The following AGBL1 variants were observed in gnomAD, a reference collection of about 807,000 sequenced individuals.
AGBL1 encodes the protein cytosolic carboxypeptidase 4.
In AGBL1, 130 loss-of-function variants were observed where a neutral mutation model predicts 118.9. That is an observed-to-expected ratio of 1.09 (90% confidence interval 0.95 to 1.26). The LOEUF (loss-of-function observed/expected upper bound fraction) is 1.26. Among genes scored for constraint, AGBL1 ranks in the 50% most tolerant of loss-of-function variants. The pLI is 0.00. For missense variants in AGBL1, 1,584 were observed against 1,298.1 expected, an observed-to-expected ratio of 1.22 and a Z score of -3.38; for synonymous variants, 555 against 478.9, an observed-to-expected ratio of 1.16 and a Z score of -2.08.
intron 22 of AGBL1, among the ~76,000 whole-genome samples, chr15:86,774,146 C>A (rs370634338): frequency 2.0e-5 from 3 of 152,058 alleles, no homozygotes; most frequent in African/African-American, 7.2e-5. Flanking sequence ...GAGTGATGTG[C>A]ACAGTAGCAA....
chr15:86,240,977 G>A (rs150222578), intron 6 of AGBL1, among the ~76,000 whole-genome samples: 115 of 152,284 alleles, frequency 7.6e-4, no homozygotes, highest in East Asian at 3.5e-3. Flanking sequence ...AGGCTTTAGA[G>A]TAATGAGACT....
At chr15:86,888,347 G>C (rs1024117378) in intron 22 of AGBL1, among the ~76,000 whole-genome samples, 19 of 148,810 alleles carry the variant, frequency 1.3e-4, no homozygotes, top group African/African-American at 4.5e-4. Context: ...CAGAAGACTG[G>C]AGCTCTCTTC....
intron 22 of AGBL1, among the ~76,000 whole-genome samples, chr15:86,684,465 T>C (rs1372567309): frequency 2.0e-5 from 3 of 150,416 alleles, no homozygotes; most frequent in Admixed American, 6.6e-5. Flanking sequence ...AGTTCTCTCT[T>C]TTTTTTTTTC....
In AGBL1 at chr15:86,733,852, G is replaced by T. The variant is rs991215627; in HGVS notation, c.3158+59416G>T. Reference sequence around the variant, plus strand: ...CTTTATGGGAACTTCTTTGGGAAGGGTAAAGTCCCTTTGCATGGGTCGTAT... The same window carrying T: ...CTTTATGGGAACTTCTTTGGGAAGGTTAAAGTCCCTTTGCATGGGTCGTAT... On this transcript the variant is annotated intron_variant, in intron 22 of 22. Transcript: ENST00000614907. 3.3e-5 allele frequency among the ~76,000 whole-genome samples: 5 copies of T among 152,214 alleles called. No individual in the cohort carries two copies. In the East Asian group the frequency reaches 9.7e-4, roughly 29 times the overall value.
chr15:86,481,921 A>C (rs1395388982), intron 18 of AGBL1, among the ~76,000 whole-genome samples: 1 of 152,068 alleles, frequency 6.6e-6, no homozygotes, highest in African/African-American at 2.4e-5. Context: ...TATAGCTGAG[A>C]AGTGGAATGA....
chr15:86,547,331 C>G (rs757631052), intron 20 of AGBL1, among the ~76,000 whole-genome samples: 3 of 152,100 alleles, frequency 2.0e-5, no homozygotes, highest in Non-Finnish European at 4.4e-5. Context: ...ATGGTCCAAT[C>G]TTAAATATAG....
At chr15:86,380,231 CCCTG>C (rs113927338) in intron 17 of AGBL1, among the ~76,000 whole-genome samples, 110 of 118,854 alleles carry the variant, frequency 9.3e-4, no homozygotes, top group Non-Finnish European at 1.6e-3. Context: ...TCATTCCCTC[CCCTG>C]CCTGCCTGCC....
intron 22 of AGBL1, among the ~76,000 whole-genome samples, chr15:86,849,429 G>A (rs943150911): frequency 2.0e-5 from 3 of 151,598 alleles, no homozygotes; most frequent in African/African-American, 7.3e-5. Flanking sequence ...ATTCAAATCA[G>A]AATTACTAGC....
chr15:86,330,413 C>T lies in AGBL1; in HGVS notation c.2374+35005C>T, dbSNP rs150298158. On this transcript the variant is annotated intron_variant, in intron 17 of 22. Transcript: ENST00000614907. ...CAAAAACTCTGCCTAGCATTTTCTA[C>T]GGTCACATTCCGTAGGGAAGAGGGG... 2.9e-3 allele frequency among the ~76,000 whole-genome samples: 438 copies of T among 152,094 alleles called. 2 individuals are homozygous for T. Among genetic ancestry groups the T allele is most frequent in the African/African-American group, 8.7e-3 (361 of 41,468 alleles).
At chr15:86,639,291 C>G (rs1292565826) in intron 21 of AGBL1, among the ~76,000 whole-genome samples, 1 of 152,116 alleles carries the variant, frequency 6.6e-6, no homozygotes, top group African/African-American at 2.4e-5. Context: ...TGCACTAGAT[C>G]TACTTGCAAA....
intron 17 of AGBL1, among the ~76,000 whole-genome samples, chr15:86,321,744 T>A (rs2080108356): frequency 6.6e-6 from 1 of 151,294 alleles, no homozygotes; most frequent in African/African-American, 2.4e-5. Flanking sequence ...ACCACTGCAC[T>A]CCAGCCTGGG....
At chr15:86,098,215 C>A (rs538235140) in intron 1 of AGBL1, among the ~76,000 whole-genome samples, 2 of 151,708 alleles carry the variant, frequency 1.3e-5, no homozygotes, top group African/African-American at 4.8e-5. Flanking sequence ...GATATTAGTC[C>A]CTTCTTGGAT....
intron 21 of AGBL1, among the ~76,000 whole-genome samples, chr15:86,635,471 G>C (rs1384664437): frequency 6.6e-6 from 1 of 151,600 alleles, no homozygotes; most frequent in Non-Finnish European, 1.5e-5. Flanking sequence ...AGGTAACTTA[G>C]AGGAACAACT....
intron 17 of AGBL1, among the ~76,000 whole-genome samples, chr15:86,382,234 G>A (rs1221811640): frequency 6.6e-6 from 1 of 152,192 alleles, no homozygotes; most frequent in African/African-American, 2.4e-5. Flanking sequence ...CTGCTGGTAT[G>A]CCACACAGAC....
intron 5 of AGBL1, among the ~76,000 whole-genome samples, chr15:86,214,624 G>C (rs1040078303): frequency 3.9e-5 from 6 of 152,132 alleles, no homozygotes; most frequent in African/African-American, 1.2e-4. Flanking sequence ...ATCCCGGTCT[G>C]CTCCTTTCCC....
chr15:86,148,603 G>A (rs1393401522), intron 3 of AGBL1, among the ~76,000 whole-genome samples: 1 of 152,170 alleles, frequency 6.6e-6, no homozygotes, highest in African/African-American at 2.4e-5. Flanking sequence ...AATGAACAAA[G>A]CCTCCAAGAA....
chr15:87,007,239 T>C (rs2081514216), intron 24 of AGBL1, among the ~76,000 whole-genome samples: 2 of 151,346 alleles, frequency 1.3e-5, no homozygotes, highest in South Asian at 4.1e-4. Flanking sequence ...ACGCTAGCTG[T>C]ATATATATAT....
intron 22 of AGBL1, among the ~76,000 whole-genome samples, chr15:86,695,169 T>A (rs1340987781): frequency 6.6e-6 from 1 of 152,100 alleles, no homozygotes; most frequent in Non-Finnish European, 1.5e-5. Context: ...ATAGGATTGG[T>A]ACTAATTATT....
chr15:86,478,194 C>A (rs1188793612), intron 18 of AGBL1, among the ~76,000 whole-genome samples: 7 of 152,146 alleles, frequency 4.6e-5, no homozygotes, highest in African/African-American at 1.7e-4. Context: ...CCCTCTCTCA[C>A]CACCCCTACT....
Sources: allele counts gnomAD v4.1 joint callset (sites outside exome capture counted in the v4.1 genomes callset), GRCh38; gene constraint gnomAD v4.1.1; transcripts MANE v1.5; gene names NCBI Gene and HGNC (gene_info 2026-07-23, HGNC 2026-07-21).